The following CNTNAP2 variants were observed in gnomAD, a reference collection of about 807,000 sequenced individuals.
The protein encoded by CNTNAP2 is contactin-associated protein-like 2.
Under a neutral mutation model 155.2 loss-of-function variants are expected in CNTNAP2, and 98 were observed. That is an observed-to-expected ratio of 0.63 (90% CI 0.54 to 0.75). CNTNAP2 has a LOEUF of 0.75. CNTNAP2 is among the 30% of genes least tolerant of loss of function. CNTNAP2 has a pLI of 0.00. For missense variants in CNTNAP2, 1,727 were observed against 1,688.1 expected, an observed-to-expected ratio of 1.02 and a Z score of -0.40; for synonymous variants, 651 against 631.2, an observed-to-expected ratio of 1.03 and a Z score of -0.47.
intron 14 of CNTNAP2, among the ~76,000 whole-genome samples, chr7:147,975,186 G>T (rs1801408584): frequency 1.3e-5 from 2 of 151,402 alleles, no homozygotes; most frequent in Admixed American, 1.3e-4. Context: ...TTTAAAGTTG[G>T]GTAGAAGGAG....
At chr7:146,275,003 T>C (rs1052042287) in intron 1 of CNTNAP2, among the ~76,000 whole-genome samples, 1 of 152,220 alleles carries the variant, frequency 6.6e-6, no homozygotes, top group African/African-American at 2.4e-5. Context: ...TGGCACTTAA[T>C]AAGCTATTTG....
intron 1 of CNTNAP2, among the ~76,000 whole-genome samples, chr7:146,671,819 T>C (rs28480325): frequency 5.9e-4 from 90 of 151,752 alleles, no homozygotes; most frequent in Admixed American, 4.2e-3. Context: ...ATTTTGTTTT[T>C]ATTTTTATTT....
At chr7:147,306,448 A>C (rs1042509982) in intron 9 of CNTNAP2, among the ~76,000 whole-genome samples, 2 of 152,194 alleles carry the variant, frequency 1.3e-5, no homozygotes, top group African/African-American at 4.8e-5. Flanking sequence ...TCTGCGTAGG[A>C]CCACGTATAG....
chr7:146,975,192 C>T (rs1000293530), intron 3 of CNTNAP2, among the ~76,000 whole-genome samples: 1 of 152,006 alleles, frequency 6.6e-6, no homozygotes, highest in African/African-American at 2.4e-5. Flanking sequence ...CGGCTGGGCG[C>T]GTTGGCTCAT....
intron 1 of CNTNAP2, among the ~76,000 whole-genome samples, chr7:146,724,276 G>A (rs562358123): frequency 6.6e-6 from 1 of 152,278 alleles, no homozygotes; most frequent in East Asian, 1.9e-4. Context: ...GTAAGTGTTA[G>A]AACAGTTACT....
chr7:147,067,605 A>C (rs1393905849), intron 4 of CNTNAP2, among the ~76,000 whole-genome samples: 1 of 152,208 alleles, frequency 6.6e-6, no homozygotes, highest in Non-Finnish European at 1.5e-5. Flanking sequence ...CATCCATAAG[A>C]AGAGATAATC....
At chr7:146,326,019 T>C (rs1801091687) in intron 1 of CNTNAP2, among the ~76,000 whole-genome samples, 1 of 152,192 alleles carries the variant, frequency 6.6e-6, no homozygotes, top group Non-Finnish European at 1.5e-5. Flanking sequence ...AAAAGTTATA[T>C]TCTAACTAAC....
intron 12 of CNTNAP2, among the ~76,000 whole-genome samples, chr7:147,602,908 G>C (rs532405344): frequency 6.6e-6 from 1 of 152,052 alleles, no homozygotes; most frequent in Admixed American, 6.5e-5. Context: ...ATTTGGGTTG[G>C]TTCCAAGTCT....
intron 17 of CNTNAP2, among the ~76,000 whole-genome samples, chr7:148,150,921 T>A (rs12670703): frequency 0.067 from 10,133 of 151,918 alleles, 432 homozygotes; most frequent in East Asian, 0.23. Context: ...GGTCTCCCTA[T>A]GTTGCCCAGG....
At chr7:146,804,199 A>T (rs1377960936) in intron 2 of CNTNAP2, among the ~76,000 whole-genome samples, 2 of 152,206 alleles carry the variant, frequency 1.3e-5, no homozygotes, top group Non-Finnish European at 2.9e-5. Context: ...TGTAAAAGAG[A>T]TACTGTAATC....
intron 8 of CNTNAP2, among the ~76,000 whole-genome samples, chr7:147,165,143 G>A (rs1291068383): frequency 1.6e-5 from 2 of 123,768 alleles, no homozygotes; most frequent in African/African-American, 5.9e-5. Flanking sequence ...AAAACAGTGG[G>A]ATTTAAAATC....
intron 1 of CNTNAP2, among the ~76,000 whole-genome samples, chr7:146,222,542 G>A (rs1799222720): frequency 3.5e-4 from 1 of 2,856 alleles, no homozygotes; most frequent in Non-Finnish European, 8.0e-4. Flanking sequence ...CTAAAGCATA[G>A]TGTGTGTGTG....
chr7:147,916,791 C>G (rs560580846), intron 14 of CNTNAP2, among the ~76,000 whole-genome samples: 1 of 152,050 alleles, frequency 6.6e-6, no homozygotes, highest in Non-Finnish European at 1.5e-5. Flanking sequence ...TTGTAAAACA[C>G]GTTATAATTG....
intron 14 of CNTNAP2, among the ~76,000 whole-genome samples, chr7:147,915,427 T>C (rs1447726749): frequency 6.6e-6 from 1 of 152,234 alleles, no homozygotes; most frequent in East Asian, 1.9e-4. Context: ...CAATACTCAG[T>C]GGTCTTATTC....
chr7:146,803,251 G>A (rs545568573), intron 2 of CNTNAP2, among the ~76,000 whole-genome samples: 1 of 152,162 alleles, frequency 6.6e-6, no homozygotes, highest in Non-Finnish European at 1.5e-5. Flanking sequence ...CAAAAGGGAA[G>A]CAATAGAATA....
chr7:147,368,095 G>GTC (rs1449195225), intron 9 of CNTNAP2, among the ~76,000 whole-genome samples: 28 of 27,050 alleles, frequency 1.0e-3, no homozygotes, highest in Non-Finnish European at 1.5e-3. Flanking sequence ...CTCTCTCTCT[G>GTC]TCACACACAC....
chr7:146,172,079 T>C (rs1414438469), intron 1 of CNTNAP2, among the ~76,000 whole-genome samples: 1 of 150,138 alleles, frequency 6.7e-6, no homozygotes, highest in African/African-American at 2.5e-5. Flanking sequence ...AAATATGATA[T>C]TTACTTTGGA....
chr7:147,874,096 G>A (rs1353883574), intron 13 of CNTNAP2, among the ~76,000 whole-genome samples: 2 of 152,146 alleles, frequency 1.3e-5, no homozygotes, highest in Non-Finnish European at 2.9e-5. Context: ...CTGCTTTCAT[G>A]GGCTGGCGTT....
chr7:148,226,874 T>C (rs575190287), intron 19 of CNTNAP2, among the ~76,000 whole-genome samples: 1 of 152,282 alleles, frequency 6.6e-6, no homozygotes, highest in Non-Finnish European at 1.5e-5. Context: ...TGCACTTCCT[T>C]TCTAAAACTT....
Sources: gnomAD v4.1 joint callset for allele counts (sites outside exome capture counted in the v4.1 genomes callset) on GRCh38, gnomAD v4.1.1 for gene constraint, MANE v1.5 for transcripts, NCBI Gene and HGNC (gene_info 2026-07-23, HGNC 2026-07-21) for gene names.